KRABD3: variants seen among roughly 807,000 people sequenced by gnomAD.
The protein encoded by KRABD3 is KRAB domain containing 3, also known as KRAB domain-containing protein 3.
chr7:149,733,413 C>T, the KRABD3 span: 290 of 1,602,126 alleles, frequency 1.8e-4, no homozygotes, highest in African/African-American at 1.2e-3. Flanking sequence ...CTCGCCACAG[C>T]GCTGGCAGGC....
At chr7:149,725,477 C>A in the KRABD3 span, 1 of 1,607,658 alleles carries the variant, frequency 6.2e-7, no homozygotes, top group Non-Finnish European at 8.5e-7. Context: ...CCCCACAGAT[C>A]ACACAGTGAA....
chr7:149,733,268 C>G, the KRABD3 span: 1 of 1,612,418 alleles, frequency 6.2e-7, no homozygotes, highest in Non-Finnish European at 8.5e-7. Context: ...GTCTCCCCCT[C>G]CGGAGCTGCC....
chr7:149,721,319 T>TGACA, the KRABD3 span: 1 of 1,522,640 alleles, frequency 6.6e-7, no homozygotes, highest in Non-Finnish European at 8.8e-7. Flanking sequence ...ACCCAGAATG[T>TGACA]GACAGTGTGA....
At chr7:149,724,965 C>A in the KRABD3 span, 1 of 885,928 alleles carries the variant, frequency 1.1e-6, no homozygotes, top group Non-Finnish European at 1.6e-6. Context: ...CCTGGCCTTT[C>A]TTCCCAAGCA....
At chr7:149,717,187 A>C in the KRABD3 span, among the ~76,000 whole-genome samples, 1 of 152,248 alleles carries the variant, frequency 6.6e-6, no homozygotes, top group African/African-American at 2.4e-5. Context: ...TTGAGCCATC[A>C]GAATGTCATG....
the KRABD3 span, among the ~76,000 whole-genome samples, chr7:149,721,200 C>G: frequency 6.6e-6 from 1 of 152,226 alleles, no homozygotes; most frequent in East Asian, 1.9e-4. Flanking sequence ...ATGGTGGTTT[C>G]TGTGTGGCTT....
the KRABD3 span, chr7:149,734,173 C>T: frequency 8.3e-6 from 11 of 1,322,650 alleles, no homozygotes; most frequent in Admixed American, 2.8e-5. Context: ...TTGCTGGGAG[C>T]CTCGCCCTTT....
chr7:149,717,498 G>A, the KRABD3 span, among the ~76,000 whole-genome samples: 8 of 152,274 alleles, frequency 5.3e-5, no homozygotes, highest in African/African-American at 1.9e-4. Flanking sequence ...AACTCTTTGA[G>A]AGAAGTTTTG....
chr7:149,726,347 A>G, the KRABD3 span, among the ~76,000 whole-genome samples: 7 of 152,130 alleles, frequency 4.6e-5, no homozygotes, highest in African/African-American at 1.4e-4. Context: ...CTGTACTCCC[A>G]GCACTTTGGG....
chr7:149,714,964 C>A, the KRABD3 span: 3 of 1,096,580 alleles, frequency 2.7e-6, no homozygotes, highest in Non-Finnish European at 3.4e-6. Flanking sequence ...TTCTCCTGCG[C>A]GGACCTGGGC....
chr7:149,725,509 C>T, the KRABD3 span: 20 of 1,585,058 alleles, frequency 1.3e-5, no homozygotes, highest in Middle Eastern at 1.7e-4. Context: ...GCCATGGGCG[C>T]GGGGTGGCAT....
At chr7:149,730,528 CAGG>C in the KRABD3 span, 1 of 1,611,992 alleles carries the variant, frequency 6.2e-7, no homozygotes, top group East Asian at 2.2e-5. Context: ...GTGAAGACCC[CAGG>C]AGAACAGAGC....
chr7:149,733,269 C>T, the KRABD3 span: 34 of 1,612,384 alleles, frequency 2.1e-5, no homozygotes, highest in South Asian at 8.8e-5. Context: ...TCTCCCCCTC[C>T]GGAGCTGCCC....
the KRABD3 span, chr7:149,726,204 G>T: frequency 1.8e-5 from 13 of 727,440 alleles, no homozygotes; most frequent in Non-Finnish European, 2.6e-5. Flanking sequence ...GCAGATGCGG[G>T]ACTTATCTTG....
the KRABD3 span, chr7:149,723,807 C>T: frequency 1.1e-5 from 18 of 1,613,936 alleles, no homozygotes; most frequent in African/African-American, 1.7e-4. Context: ...TCCCCGAGGC[C>T]CAGGACAGGC....
chr7:149,734,055 C>T, the KRABD3 span: 2 of 1,593,794 alleles, frequency 1.3e-6, no homozygotes, highest in East Asian at 2.2e-5. Context: ...TGATGGCATT[C>T]CTCTTCTCCA....
the KRABD3 span, chr7:149,723,595 G>A: frequency 2.5e-6 from 2 of 798,548 alleles, no homozygotes. Context: ...CCCAGGCACT[G>A]GGAAGACTCA....
At chr7:149,725,381 G>A in the KRABD3 span, 4 of 1,608,798 alleles carry the variant, frequency 2.5e-6, no homozygotes, top group Non-Finnish European at 3.4e-6. Flanking sequence ...CCCCCAAATG[G>A]GTCGTCACCT....
the KRABD3 span, chr7:149,729,265 G>T: frequency 6.2e-7 from 1 of 1,604,730 alleles, no homozygotes; most frequent in Non-Finnish European, 8.5e-7. Context: ...CCTCCATCTG[G>T]TCAGCCCACA....
Sources: allele counts gnomAD v4.1 joint callset (sites outside exome capture counted in the v4.1 genomes callset), GRCh38; gene constraint gnomAD v4.1.1; transcripts MANE v1.5; gene names NCBI Gene and HGNC (gene_info 2026-07-23, HGNC 2026-07-21).